The following ZNF385D variants were observed in gnomAD, a reference collection of about 807,000 sequenced individuals.
ZNF385D encodes zinc finger protein 659.
ZNF385D carries 15 observed loss-of-function variants against 35.8 expected under a neutral mutation model. The observed-to-expected ratio is 0.42, with a 90% CI of 0.28 to 0.64. The LOEUF is 0.64. Ranked by LOEUF, ZNF385D falls within the 30% of genes least tolerant of loss-of-function variation. ZNF385D has a pLI of 0.23. For synonymous variants in ZNF385D, 212 were observed against 186.8 expected (o/e 1.13, Z -1.10); for missense variants, 474 against 494.6 (o/e 0.96, Z 0.39).
At chr3:21,676,574 G>A (rs1250312612) in intron 1 of ZNF385D, among the ~76,000 whole-genome samples, 1 of 152,020 alleles carries the variant, frequency 6.6e-6, no homozygotes, top group African/African-American at 2.4e-5. Context: ...ATTTTTATAA[G>A]GAGTCCTGTC....
chr3:21,564,435 TAGTG>T lies in ZNF385D; in HGVS notation c.276+135_276+138del, dbSNP rs1290396873. ...TAATAAACTCCAAAATTAAAGCACA[TAGTG>T]AGTTAAAATGTTATCTTTGAATTTT... On this transcript the variant is annotated intron_variant, in intron 3 of 7. Coordinates refer to ENST00000281523, the MANE Select transcript of ZNF385D (RefSeq NM_024697.3). 48 of 470,636 alleles carry T rather than the reference TAGTG, an allele frequency of 1.0e-4. No homozygotes were observed. The Admixed American group carries it at 1.4e-3, about 13-fold the overall frequency. 29.2% of individuals were successfully genotyped at this position (470,636 alleles called of 1,614,324 possible).
At chr3:21,817,746 C>T (rs758931487) in intron 3 of ZNF385D, among the ~76,000 whole-genome samples, 7 of 152,090 alleles carry the variant, frequency 4.6e-5, no homozygotes, top group Non-Finnish European at 8.8e-5. Flanking sequence ...ACTAGTTCAA[C>T]CATGTGGAAG....
intron 3 of ZNF385D, among the ~76,000 whole-genome samples, chr3:22,063,648 A>C (rs934074909): frequency 7.9e-5 from 12 of 152,192 alleles, no homozygotes; most frequent in African/African-American, 2.9e-4. Context: ...TGAAGGATTC[A>C]TGCCCCAGCT....
chr3:21,477,148 G>A (rs538481667), intron 4 of ZNF385D, among the ~76,000 whole-genome samples: 1 of 152,308 alleles, frequency 6.6e-6, no homozygotes, highest in East Asian at 1.9e-4. Context: ...GGAAGGTTGA[G>A]GAGGGTGGAT....
chr3:21,472,225 C>T (rs762919604), intron 4 of ZNF385D, among the ~76,000 whole-genome samples: 42 of 152,100 alleles, frequency 2.8e-4, no homozygotes, highest in Non-Finnish European at 5.3e-4. Context: ...TAAGGAACCA[C>T]GCTAGGCCCT....
chr3:22,002,026 C>T (rs1166772448), intron 3 of ZNF385D, among the ~76,000 whole-genome samples: 2 of 151,242 alleles, frequency 1.3e-5, no homozygotes, highest in Non-Finnish European at 3.0e-5. Context: ...CAATATAGCT[C>T]AAGGTACTAG....
intron 3 of ZNF385D, among the ~76,000 whole-genome samples, chr3:21,867,482 C>G (rs1697431794): frequency 1.3e-5 from 2 of 152,230 alleles, no homozygotes; most frequent in South Asian, 4.1e-4. Context: ...AAAGCAGGTT[C>G]TCCTGCTCTC....
chr3:22,182,630 A>C (rs1254910906), intron 2 of ZNF385D, among the ~76,000 whole-genome samples: 1 of 152,022 alleles, frequency 6.6e-6, no homozygotes, highest in Non-Finnish European at 1.5e-5. Flanking sequence ...CTCATTAAAA[A>C]GATAAACTAG....
At chr3:21,717,660 C>A (rs998400152) in intron 1 of ZNF385D, among the ~76,000 whole-genome samples, 1 of 152,150 alleles carries the variant, frequency 6.6e-6, no homozygotes, top group Non-Finnish European at 1.5e-5. Context: ...GGGGCGGTTT[C>A]CCCCATGCTG....
intron 2 of ZNF385D, among the ~76,000 whole-genome samples, chr3:22,280,978 T>G (rs1394194971): frequency 6.6e-6 from 1 of 152,056 alleles, no homozygotes; most frequent in Non-Finnish European, 1.5e-5. Context: ...ACATTTTTGT[T>G]TTGTTTTGTT....
At chr3:22,031,084 C>T (rs569780670) in intron 3 of ZNF385D, among the ~76,000 whole-genome samples, 22 of 152,348 alleles carry the variant, frequency 1.4e-4, no homozygotes, top group Admixed American at 5.9e-4. Context: ...GCTTTAGCAG[C>T]TCTGCCCCTG....
At chr3:22,173,867 A>C (rs1217048715) in intron 2 of ZNF385D, among the ~76,000 whole-genome samples, 1 of 152,158 alleles carries the variant, frequency 6.6e-6, no homozygotes, top group Non-Finnish European at 1.5e-5. Context: ...GGGTTGAAAA[A>C]TCCAATATGG....
intron 4 of ZNF385D, among the ~76,000 whole-genome samples, chr3:21,470,773 T>G (rs2125341560): frequency 6.6e-6 from 1 of 152,238 alleles, no homozygotes. Flanking sequence ...ATTTTGAGTT[T>G]TGACAAAGTC....
chr3:21,682,494 G>A lies in ZNF385D; in HGVS notation c.23-17466C>T, dbSNP rs1321747933. Among the ~76,000 whole-genome samples, 2 of 150,206 alleles carry A rather than the reference G, an allele frequency of 1.3e-5. 1 individual carries two copies. The highest frequency in any genetic ancestry group is 3.0e-5 in the Non-Finnish European group (2 of 67,440). On this transcript the variant is annotated intron_variant, in intron 1 of 7. Coordinates refer to ENST00000281523, the MANE Select transcript of ZNF385D (RefSeq NM_024697.3). ...TTCATTTCCACTTAAGACAGAAAAA[G>A]CCATCAGAGGACTGAAAGGATAGTT...
chr3:21,433,494 A>G (rs563986600), intron 5 of ZNF385D, among the ~76,000 whole-genome samples: 9 of 152,180 alleles, frequency 5.9e-5, no homozygotes, highest in Admixed American at 2.6e-4. Context: ...ACACAATCCA[A>G]TCTTAACACT....
chr3:22,143,211 T>A (rs949593776), intron 3 of ZNF385D, among the ~76,000 whole-genome samples: 2 of 151,614 alleles, frequency 1.3e-5, no homozygotes, highest in African/African-American at 2.4e-5. Flanking sequence ...GCCTCCGGAG[T>A]AGCAGCGACT....
chr3:22,046,805 A>G (rs1288998480), intron 3 of ZNF385D, among the ~76,000 whole-genome samples: 3 of 152,156 alleles, frequency 2.0e-5, no homozygotes, highest in African/African-American at 4.8e-5. Context: ...TCTAAGTCGA[A>G]TTGTATTTGG....
At chr3:22,135,211 T>C (rs571239785) in intron 3 of ZNF385D, among the ~76,000 whole-genome samples, 48 of 152,204 alleles carry the variant, frequency 3.2e-4, no homozygotes, top group South Asian at 1.0e-3. Context: ...TATAGACATA[T>C]TGGCAACTTC....
intron 2 of ZNF385D, among the ~76,000 whole-genome samples, chr3:22,191,714 CAGTA>C (rs1343731248): frequency 2.6e-5 from 4 of 151,960 alleles, no homozygotes; most frequent in Admixed American, 6.6e-5. Flanking sequence ...ACTTGTAAAA[CAGTA>C]ATTAATGAAT....
Sources: allele counts gnomAD v4.1 joint callset (sites outside exome capture counted in the v4.1 genomes callset), GRCh38; gene constraint gnomAD v4.1.1; transcripts MANE v1.5; gene names NCBI Gene and HGNC (gene_info 2026-07-23, HGNC 2026-07-21).